Variants in IGF2BP3 observed in about 807,000 individuals in gnomAD.
IGF2BP3 encodes the protein insulin like growth factor 2 mRNA binding protein 3, also known as insulin-like growth factor 2 mRNA-binding protein 3.
In IGF2BP3, 9 loss-of-function variants were observed where a neutral mutation model predicts 73.8. The ratio of observed to expected loss-of-function variants is 0.12; its 90% CI spans 0.07 to 0.21. The LOEUF is 0.21. Ranked by LOEUF, IGF2BP3 falls within the 10% of genes least tolerant of loss-of-function variation. The probability of loss-of-function intolerance (pLI) is 1.00; values close to 1 mark genes in which losing one functional copy is unlikely to be tolerated. For synonymous variants in IGF2BP3, 258 were observed against 256.7 expected (o/e 1.01, Z -0.05); for missense variants, 542 against 714.0 (o/e 0.76, Z 2.75).
chr7:23,314,630 CAG>C (rs1343490560), intron 12 of IGF2BP3, among the ~76,000 whole-genome samples: 3 of 151,968 alleles, frequency 2.0e-5, no homozygotes, highest in Non-Finnish European at 2.9e-5. Context: ...GCAAAAGAGA[CAG>C]AACTGCAGAG....
At chr7:23,391,510 G>T (rs1398866074) in intron 3 of IGF2BP3, among the ~76,000 whole-genome samples, 1 of 152,148 alleles carries the variant, frequency 6.6e-6, no homozygotes, top group Admixed American at 6.6e-5. Context: ...GCTGTAATGG[G>T]TTTAGACACT....
intron 2 of IGF2BP3, among the ~76,000 whole-genome samples, chr7:23,422,821 AGTCTCGCTCTC>A (rs1333860947): frequency 6.6e-6 from 1 of 152,084 alleles, no homozygotes; most frequent in Non-Finnish European, 1.5e-5. Flanking sequence ...TTCAGATGGG[AGTCTCGCTCTC>A]TCACCCAGGC....
intron 3 of IGF2BP3, among the ~76,000 whole-genome samples, chr7:23,417,505 A>G (rs1347120169): frequency 2.6e-5 from 4 of 152,246 alleles, no homozygotes; most frequent in Admixed American, 2.6e-4. Flanking sequence ...GAGATTATGA[A>G]TGAATTAAAA....
intron 2 of IGF2BP3, among the ~76,000 whole-genome samples, chr7:23,443,769 G>C (rs1180402076): frequency 6.6e-6 from 1 of 152,090 alleles, no homozygotes; most frequent in Non-Finnish European, 1.5e-5. Context: ...CAGCACTTTG[G>C]GAGGCCAAGG....
intron 2 of IGF2BP3, 94 bp downstream of exon 2, chr7:23,468,388 G>A (rs1333625031): frequency 1.6e-6 from 2 of 1,267,572 alleles, no homozygotes; most frequent in Admixed American, 1.7e-5. Flanking sequence ...CACGGCAGGG[G>A]GTAAGCACCA....
intron 3 of IGF2BP3, among the ~76,000 whole-genome samples, chr7:23,385,468 A>G: frequency 6.6e-6 from 1 of 152,198 alleles, no homozygotes; most frequent in Non-Finnish European, 1.5e-5. Context: ...AATTTTTAAA[A>G]TTTAAGGTTG....
chr7:23,341,428 G>A (rs1397727327), intron 10 of IGF2BP3, among the ~76,000 whole-genome samples: 1 of 152,166 alleles, frequency 6.6e-6, no homozygotes, highest in African/African-American at 2.4e-5. Context: ...CACTTTGAGA[G>A]GCCGAGGCAG....
At chr7:23,323,967 A>G (rs994926818) in intron 10 of IGF2BP3, among the ~76,000 whole-genome samples, 4 of 152,138 alleles carry the variant, frequency 2.6e-5, no homozygotes, top group Non-Finnish European at 5.9e-5. Context: ...AAGAGAAAGC[A>G]GGAAAGATCC....
At chr7:23,467,518 G>A (rs950780826) in intron 2 of IGF2BP3, among the ~76,000 whole-genome samples, 2 of 152,192 alleles carry the variant, frequency 1.3e-5, no homozygotes, top group African/African-American at 4.8e-5. Flanking sequence ...ACCCCGGTGC[G>A]ACTGGGAGGG....
At chr7:23,335,073 TAAAAA>T (rs5882898) in intron 10 of IGF2BP3, among the ~76,000 whole-genome samples, 4 of 69,196 alleles carry the variant, frequency 5.8e-5, no homozygotes, top group Non-Finnish European at 1.1e-4. Flanking sequence ...TCTTTAACAT[TAAAAA>T]AAAAAAAAAA....
intron 3 of IGF2BP3, among the ~76,000 whole-genome samples, chr7:23,385,436 T>C (rs961328230): frequency 6.6e-6 from 1 of 152,196 alleles, no homozygotes. Context: ...CAAATTAGTA[T>C]GAGACATAGC....
Position 23,367,446 on chromosome 7 carries a change from C to CAAAAA in IGF2BP3, c.286-5710_286-5706dup, listed in dbSNP as rs778774496. Among the ~76,000 whole-genome samples, 191 of 133,544 alleles carry CAAAAA rather than the reference C, an allele frequency of 1.4e-3. 4 individuals carry two copies. The highest frequency in any genetic ancestry group is 5.8e-3 in the African/African-American group (182 of 31,504). The allele number at this position is 133,544 out of a possible 152,430, so 87.6% of individuals were successfully genotyped here. On this transcript the variant is annotated intron_variant, in intron 3 of 14. Coordinates refer to ENST00000258729, the MANE Select transcript of IGF2BP3 (RefSeq NM_006547.3). ...ACTTCTTTTAAACAGTCTTAAAGGC[C>CAAAAA]AAAAAAAAAACCACGAAAAAAAACA...
intron 2 of IGF2BP3, among the ~76,000 whole-genome samples, chr7:23,425,237 A>C (rs12534523): frequency 0.24 from 36,323 of 152,198 alleles, 4,652 homozygotes; most frequent in Middle Eastern, 0.37. Flanking sequence ...ATTTAATACA[A>C]GAGTTTCCCC....
chr7:23,355,419 C>A (rs184830270), intron 5 of IGF2BP3, among the ~76,000 whole-genome samples: 1 of 151,848 alleles, frequency 6.6e-6, no homozygotes, highest in Admixed American at 6.6e-5. Flanking sequence ...TAACTAGAGA[C>A]GGGGTTTCAC....
At chr7:23,420,482 A>C (rs559929163) in intron 2 of IGF2BP3, among the ~76,000 whole-genome samples, 38 of 152,270 alleles carry the variant, frequency 2.5e-4, no homozygotes, top group African/African-American at 8.4e-4. Flanking sequence ...TGTCTCAAAA[A>C]GAAAAGAGAA....
chr7:23,460,122 A>C (rs1345050286), intron 2 of IGF2BP3, among the ~76,000 whole-genome samples: 1 of 133,082 alleles, frequency 7.5e-6, no homozygotes, highest in Non-Finnish European at 1.6e-5. Flanking sequence ...AGGTGCCTGT[A>C]GTCTACACCT....
chr7:23,469,843 G>GGCCTCACCCCCGCTCCCAGGC lies in IGF2BP3; in HGVS notation c.175+92_175+93insGCCTGGGAGCGGGGGTGAGGC. The GGCCTCACCCCCGCTCCCAGGC allele has an allele frequency of 1.2e-6, 1 of 822,824 alleles. No individual in the cohort carries two copies. Among genetic ancestry groups the GGCCTCACCCCCGCTCCCAGGC allele is most frequent in the Non-Finnish European group, 1.6e-6 (1 of 616,442 alleles). The allele number at this position is 822,824 out of a possible 1,614,324, so 51.0% of individuals were successfully genotyped here. A position where few individuals can be genotyped will look rare whatever the true frequency, so the allele number is the denominator to read the frequency against. Reference sequence around the variant, plus strand: ...GGCCTCACCCCCGCTCCCCCAGCGCGCCGGGCCTGGGGCCCGCGGAGCCAC... The same window carrying GGCCTCACCCCCGCTCCCAGGC: ...GGCCTCACCCCCGCTCCCCCAGCGCGGCCTCACCCCCGCTCCCAGGCCCGGGCCTGGGGCCCGCGGAGCCAC... On this transcript the variant is annotated intron_variant, in intron 1 of 14. Transcript: ENST00000258729. This position sits in a 1 kb window ranked among gnomAD's most constrained non-coding sequence, Gnocchi z 6.1.
chr7:23,457,446 G>A (rs1788348793), intron 2 of IGF2BP3, among the ~76,000 whole-genome samples: 1 of 151,746 alleles, frequency 6.6e-6, no homozygotes, highest in Middle Eastern at 3.4e-3. Context: ...GCCTGGGCGA[G>A]ACCAAGACCC....
At chr7:23,352,362 C>G (rs779089137) in intron 5 of IGF2BP3, among the ~76,000 whole-genome samples, 1 of 139,030 alleles carries the variant, frequency 7.2e-6, no homozygotes, top group Non-Finnish European at 1.5e-5. Context: ...CATCTTGGCT[C>G]ACTGCAACCT....
Sources: allele counts gnomAD v4.1 joint callset (sites outside exome capture counted in the v4.1 genomes callset), GRCh38; gene constraint gnomAD v4.1.1; non-coding constraint Gnocchi (gnomAD v3.1); transcripts MANE v1.5; gene names NCBI Gene and HGNC (gene_info 2026-07-23, HGNC 2026-07-21).